Variants in ZC3H6 observed in about 807,000 individuals in gnomAD.
ZC3H6 encodes the protein zinc finger CCCH-type containing 6, also known as zinc finger CCCH domain-containing protein 6.
In ZC3H6, 40 loss-of-function variants were observed where a neutral mutation model predicts 107.7. The observed-to-expected ratio is 0.37, with a 90% confidence interval of 0.29 to 0.48. ZC3H6 has a LOEUF of 0.48. Ranked by LOEUF, ZC3H6 falls within the 20% of genes least tolerant of loss-of-function variation. The probability of loss-of-function intolerance (pLI) is 0.98; values close to 1 mark genes in which losing one functional copy is unlikely to be tolerated. For synonymous variants in ZC3H6, 493 were observed against 487.9 expected, an observed-to-expected ratio of 1.01 and a Z score of -0.14; for missense variants, 1,267 against 1,410.4, an observed-to-expected ratio of 0.90 and a Z score of 1.63.
intron 1 of ZC3H6, among the ~76,000 whole-genome samples, chr2:112,279,277 A>G (rs1340517549): frequency 1.3e-5 from 2 of 152,210 alleles, no homozygotes; most frequent in Non-Finnish European, 2.9e-5. Context: ...TGACCCAATT[A>G]AAACAATTCA....
chr2:112,291,933 G>T (rs1220909173), intron 1 of ZC3H6, among the ~76,000 whole-genome samples: 1 of 152,154 alleles, frequency 6.6e-6, no homozygotes. Flanking sequence ...GACCAGGCTG[G>T]TCTCGAACTC....
chr2:112,309,862 A>G (rs1213547111), intron 3 of ZC3H6, 23 bp from the exon 4 acceptor site: 1 of 1,547,480 alleles, frequency 6.5e-7, no homozygotes, highest in Admixed American at 2.0e-5. Flanking sequence ...AAATCCTGAT[A>G]ATGATTGTCC....
chr2:112,276,440 C>G (rs1686426203), intron 1 of ZC3H6, among the ~76,000 whole-genome samples: 1 of 138,424 alleles, frequency 7.2e-6, no homozygotes, highest in Non-Finnish European at 1.5e-5. Flanking sequence ...GACTGCTTCC[C>G]GAGAACCGAG....
chr2:112,305,572 G>A (rs1051616669), intron 3 of ZC3H6, among the ~76,000 whole-genome samples: 6 of 152,002 alleles, frequency 3.9e-5, no homozygotes, highest in African/African-American at 7.2e-5. Flanking sequence ...TTAAGAAAAC[G>A]GATGGTCTTT....
chr2:112,331,029 G>A lies in ZC3H6; in HGVS notation c.2111G>A (p.Ser704Asn), dbSNP rs781511843. The A allele has an allele frequency of 1.3e-5, 20 of 1,543,524 alleles. No individual in the cohort carries two copies. Among genetic ancestry groups the A allele is most frequent in the Non-Finnish European group, 1.6e-5 (18 of 1,147,060 alleles). Residue 704 changes from serine (S) to asparagine (N), a missense_variant, in exon 12 of 12, where the codon AGT becomes AAT. By Grantham distance (46) the Ser-to-Asn change is conservative (BLOSUM62 1). Coordinates refer to ENST00000409871, the MANE Select transcript of ZC3H6 (RefSeq NM_198581.3). Reference protein sequence around the residue: ...EEDDTVNWYSSSEEEEGSSVK... With the variant: ...EEDDTVNWYSNSEEEEGSSVK... ...GATGATACAGTTAACTGGTATTCCA[G>A]TAGTGAAGAGGAAGAAGGAAGCAGT...
chr2:112,332,051 G>A lies in ZC3H6; in HGVS notation c.3133G>A (p.Gly1045Ser), dbSNP rs1318679700. The A allele has an allele frequency of 1.2e-6, 2 of 1,613,986 alleles. No homozygotes were observed. Among genetic ancestry groups the A allele is most frequent in the East Asian group, 2.2e-5 (1 of 44,884 alleles). The part of the protein sequence containing the change: ...PLGTSTSVLS[G>S]ISLYDPRDHG... ...GGGAACTTCCACTTCAGTTCTTAGT[G>A]GTATTAGTTTGTATGACCCTAGGGA... Residue 1045 changes from glycine (G) to serine (S), a missense_variant, in exon 12 of 12, where the codon GGT (glycine) becomes AGT (serine). Gly to Ser is a moderately conservative substitution (Grantham distance 56). Transcript: ENST00000409871.
Position 112,310,064 on chromosome 2 carries a change from A to T in ZC3H6, c.516A>T (p.Lys172Asn), listed in dbSNP as rs766780762. Residue 172 changes from lysine (K) to asparagine (N), a missense_variant, in exon 4 of 12, where the codon AAA becomes AAT. This residue lies in a region of ZC3H6 where 337 missense variants were observed against 361.2 expected (regional missense o/e 0.93). Transcript: ENST00000409871. Reference sequence around the variant, plus strand: ...AGGAAGATTTTGCCAATCAGCTGAAACAATACAGGCAAGCTAAAGAAACCT... The same window carrying T: ...AGGAAGATTTTGCCAATCAGCTGAATCAATACAGGCAAGCTAAAGAAACCT... ...ETEEDFANQL[K>N]QYRQAKETSN... 1.9e-6 allele frequency: 3 copies of T among 1,613,502 alleles called. No homozygotes were observed. The highest frequency in any genetic ancestry group is 1.3e-5 in the African/African-American group (1 of 74,952).
intron 7 of ZC3H6, among the ~76,000 whole-genome samples, chr2:112,319,105 CAT>C (rs1024727995): frequency 2.6e-5 from 4 of 152,146 alleles, no homozygotes; most frequent in Admixed American, 2.0e-4. Flanking sequence ...ATTATAAAAA[CAT>C]ACTTTTTTAA....
chr2:112,303,013 C>G (rs1297801402), intron 2 of ZC3H6, among the ~76,000 whole-genome samples: 1 of 151,972 alleles, frequency 6.6e-6, no homozygotes, highest in Non-Finnish European at 1.5e-5. Flanking sequence ...GTCATAAAGT[C>G]TCTGAGCAGA....
Position 112,331,030 on chromosome 2 carries a change from T to G in ZC3H6, c.2112T>G (p.Ser704Arg). 6.5e-7 allele frequency: 1 copy of G among 1,543,742 alleles called. No homozygotes were observed. Among genetic ancestry groups the G allele is most frequent in the East Asian group, 2.4e-5 (1 of 41,546 alleles). ...EEDDTVNWYS[S>R]SEEEEGSSVK... ...ATGATACAGTTAACTGGTATTCCAG[T>G]AGTGAAGAGGAAGAAGGAAGCAGTG... is the stretch of plus-strand genomic sequence containing the variant. Residue 704 changes from serine to arginine, a missense_variant, in exon 12 of 12, where the codon AGT becomes AGG. Ser to Arg is a moderately radical substitution (Grantham distance 110). Transcript: ENST00000409871.
chr2:112,297,746 T>C (rs1314979036), intron 1 of ZC3H6, among the ~76,000 whole-genome samples: 1 of 152,210 alleles, frequency 6.6e-6, no homozygotes, highest in African/African-American at 2.4e-5. Flanking sequence ...GTTTTGTGGC[T>C]TGAGTTTTGT....
At chr2:112,307,013 A>G (rs1240174317) in intron 3 of ZC3H6, among the ~76,000 whole-genome samples, 2 of 152,174 alleles carry the variant, frequency 1.3e-5, no homozygotes, top group African/African-American at 4.8e-5. Flanking sequence ...GATGTCTACA[A>G]ACGGATTTAA....
rs1286060829 is a variant in ZC3H6, at chr2:112,321,898, C to T, written c.1086+33C>T. 3 of 982,896 alleles carry T rather than the reference C, an allele frequency of 3.1e-6. No homozygotes were observed. In the African/African-American group the frequency reaches 5.0e-5, roughly 16 times the overall value. 60.9% of individuals were successfully genotyped at this position (982,896 alleles called of 1,614,324 possible). ...ATATTTTTGTACCTTGATTATGTCTCTCCACAAATACATTTGACTTGAATC... is the reference window on the plus strand; with the variant it reads ...ATATTTTTGTACCTTGATTATGTCTTTCCACAAATACATTTGACTTGAATC... On this transcript the variant is annotated intron_variant, in intron 8 of 11. Coordinates refer to ENST00000409871, the MANE Select transcript of ZC3H6 (RefSeq NM_198581.3).
intron 1 of ZC3H6, among the ~76,000 whole-genome samples, chr2:112,295,927 T>C (rs904866782): frequency 1.1e-4 from 17 of 152,162 alleles, no homozygotes; most frequent in African/African-American, 3.4e-4. Context: ...TATGAAGCAG[T>C]GATTTCCAGA....
rs539821304 is a variant in ZC3H6, at chr2:112,337,834, C to G, written c.*5346C>G. On this transcript the variant is annotated 3_prime_UTR_variant, in exon 12 of 12. Coordinates refer to ENST00000409871, the MANE Select transcript of ZC3H6 (RefSeq NM_198581.3). ...ACAGGGTTTGACCATGTTGGCCAAGCTGATCTTGAACTCCTGGCCTCAAGT... is the reference window on the plus strand; with the variant it reads ...ACAGGGTTTGACCATGTTGGCCAAGGTGATCTTGAACTCCTGGCCTCAAGT... 12 of 152,314 alleles carry G rather than the reference C, an allele frequency of 7.9e-5. No homozygotes were observed. Among genetic ancestry groups the G allele is most frequent in the African/African-American group, 2.9e-4 (12 of 41,520 alleles). The allele number at this position is 152,314 out of a possible 1,614,324, so 9.4% of individuals were successfully genotyped here.
intron 1 of ZC3H6, among the ~76,000 whole-genome samples, chr2:112,280,611 G>A (rs2104690820): frequency 6.6e-6 from 1 of 152,156 alleles, no homozygotes; most frequent in Middle Eastern, 3.4e-3. Flanking sequence ...TATAGCACAA[G>A]TACTATAATG....
chr2:112,287,595 T>C (rs1356216400), intron 1 of ZC3H6, among the ~76,000 whole-genome samples: 2 of 152,276 alleles, frequency 1.3e-5, no homozygotes, highest in Admixed American at 6.5e-5. Context: ...AAAACAAATT[T>C]GTTGGAAAAA....
intron 5 of ZC3H6, 104 bp downstream of exon 5, chr2:112,312,041 G>A: frequency 8.5e-7 from 1 of 1,181,486 alleles, no homozygotes; most frequent in Non-Finnish European, 1.1e-6. Context: ...TCTAGTAAAT[G>A]AAAAATTACC....
chr2:112,318,599 T>G (rs1314165172), intron 7 of ZC3H6, among the ~76,000 whole-genome samples: 1 of 152,174 alleles, frequency 6.6e-6, no homozygotes, highest in Admixed American at 6.5e-5. Context: ...TGTGTCACGT[T>G]TGCAAAAATA....
Sources: allele counts gnomAD v4.1 joint callset (sites outside exome capture counted in the v4.1 genomes callset), GRCh38; gene constraint gnomAD v4.1.1; regional missense constraint gnomAD v4.1.1; transcripts MANE v1.5; gene names NCBI Gene and HGNC (gene_info 2026-07-23, HGNC 2026-07-21).